ATE1: variants seen among roughly 807,000 people sequenced by gnomAD.
ATE1 encodes the protein arginyltransferase 1, also known as arginyl-tRNA--protein transferase 1.
Under a neutral mutation model 70.5 loss-of-function variants are expected in ATE1, and 36 were observed. The observed-to-expected ratio is 0.51, with a 90% CI of 0.39 to 0.67. The LOEUF is 0.67. Ranked by LOEUF, ATE1 falls within the 30% of genes least tolerant of loss-of-function variation. The probability of loss-of-function intolerance (pLI) is 0.00; values close to 1 mark genes in which losing one functional copy is unlikely to be tolerated. For missense variants in ATE1, 593 were observed against 629.5 expected, an observed-to-expected ratio of 0.94 and a Z score of 0.62; for synonymous variants, 232 against 219.3, an observed-to-expected ratio of 1.06 and a Z score of -0.51.
chr10:121,921,865 G>C (rs567030254), intron 3 of ATE1, among the ~76,000 whole-genome samples: 2 of 152,142 alleles, frequency 1.3e-5, no homozygotes, highest in South Asian at 4.1e-4. Flanking sequence ...ACTCAATAAA[G>C]TTTCTCCTGT....
chr10:121,793,325 T>C (rs910849608), intron 10 of ATE1, among the ~76,000 whole-genome samples: 10 of 152,198 alleles, frequency 6.6e-5, no homozygotes, highest in African/African-American at 2.4e-4. Context: ...TTTAAAATGG[T>C]GAAACACTTG....
rs138412609 is a variant in ATE1 at position 121,914,106 on chromosome 10, G to A, written c.234-213C>T. Among the ~76,000 whole-genome samples the A allele has an allele frequency of 7.9e-5, 12 of 151,842 alleles. No homozygotes were observed. The East Asian group carries it at 2.1e-3, about 27-fold the overall frequency. ...TTTTGAGATAGAGTCTCACTCTGTC[G>A]CCCAGACTGGAGTACACTGGCACCA... On this transcript the variant is annotated intron_variant, in intron 3 of 11. Transcript: ENST00000224652.
chr10:121,747,246 T>G (rs532700922), intron 11 of ATE1, among the ~76,000 whole-genome samples: 8 of 152,314 alleles, frequency 5.3e-5, no homozygotes, highest in African/African-American at 1.9e-4. Context: ...AAGATGGACA[T>G]AAACTGTCAA....
At chr10:121,776,398 G>T (rs1011899117) in intron 11 of ATE1, among the ~76,000 whole-genome samples, 1 of 151,950 alleles carries the variant, frequency 6.6e-6, no homozygotes, top group Non-Finnish European at 1.5e-5. Context: ...AGAGCAAGAG[G>T]GTCATCATGA....
intron 10 of ATE1, among the ~76,000 whole-genome samples, chr10:121,817,496 G>A (rs959255454): frequency 1.3e-5 from 2 of 150,344 alleles, no homozygotes; most frequent in Admixed American, 1.3e-4. Context: ...CCAAGATCAC[G>A]CCACTGCACT....
At chr10:121,822,432 TTC>T (rs745571436) in intron 10 of ATE1, among the ~76,000 whole-genome samples, 126 of 152,308 alleles carry the variant, frequency 8.3e-4, no homozygotes, top group Non-Finnish European at 1.4e-3. Flanking sequence ...GCTGGGCACC[TTC>T]TGTTTCTTGT....
chr10:121,883,351 G>A (rs539525607), intron 7 of ATE1, among the ~76,000 whole-genome samples: 7 of 151,918 alleles, frequency 4.6e-5, no homozygotes, highest in African/African-American at 9.7e-5. Flanking sequence ...CAAATGCCTC[G>A]ACAGTACTTA....
intron 5 of ATE1, among the ~76,000 whole-genome samples, chr10:121,907,451 C>A (rs1014211626): frequency 1.3e-5 from 2 of 149,502 alleles, no homozygotes; most frequent in African/African-American, 2.5e-5. Flanking sequence ...GGCAACAGAG[C>A]GAGACTGTGT....
At position 121,740,895 on chromosome 10, in the gene ATE1, C is replaced by T. The variant is rs1944128225; in HGVS notation, c.*2785G>A. ...GTACAACATATTTATCTGATATCATCTATCTTTTAGAATACAAAAAAGTGC... is the reference window on the plus strand; with the variant it reads ...GTACAACATATTTATCTGATATCATTTATCTTTTAGAATACAAAAAAGTGC... On this transcript the variant is annotated 3_prime_UTR_variant, in exon 12 of 12. Transcript: ENST00000224652. The T allele has an allele frequency of 6.6e-6, 1 of 152,074 alleles. No homozygotes were observed. The highest frequency in any genetic ancestry group is 2.4e-5 in the African/African-American group (1 of 41,402). 9.4% of individuals were successfully genotyped at this position (152,074 alleles called of 1,614,324 possible). A position where few individuals can be genotyped will look rare whatever the true frequency, so the allele number is the denominator to read the frequency against.
intron 11 of ATE1, among the ~76,000 whole-genome samples, chr10:121,769,081 C>T (rs1945394927): frequency 1.3e-5 from 2 of 152,164 alleles, no homozygotes; most frequent in Admixed American, 1.3e-4. Flanking sequence ...AAAAGAGCTA[C>T]AATAACGAAA....
At chr10:121,858,637 A>AAT (rs1340888422) in intron 8 of ATE1, among the ~76,000 whole-genome samples, 1 of 145,902 alleles carries the variant, frequency 6.9e-6, no homozygotes, top group African/African-American at 2.5e-5. Flanking sequence ...ATATATATAT[A>AAT]ATATATATAT....
Position 121,922,359 on chromosome 10 carries a change from A to G in ATE1, c.223T>C (p.Tyr75His). The G allele has an allele frequency of 6.3e-7, 1 of 1,593,020 alleles. No homozygotes were observed. The highest frequency in any genetic ancestry group is 8.6e-7 in the Non-Finnish European group (1 of 1,162,950). Residue 75 changes from tyrosine to histidine, a missense_variant, in exon 3 of 12, where the codon TAC (tyrosine) becomes CAC (histidine). By Grantham distance (83) the Tyr-to-His change is moderately conservative. Around this residue, in one of 3 missense-constraint regions of ATE1, gnomAD observed 467 missense variants for 469.6 expected, o/e 0.99. Coordinates refer to ENST00000224652, the MANE Select transcript of ATE1 (RefSeq NM_001001976.3). ...AATTAAAATTCTTACCTTATTGTGTACTGAGGACAACATGTTTGATTCATG... is the reference window on the plus strand; with the variant it reads ...AATTAAAATTCTTACCTTATTGTGTGCTGAGGACAACATGTTTGATTCATG... ...PVMNQTCCPQ[Y>H]TIRCRPLQFQ...
rs139277656 is a variant in ATE1, at chr10:121,790,646, T to C, written c.1258-357A>G. ...ATACTAGTTAATTAACAAAGAGAAG[T>C]TTCTTTTCATGTATTAGAGCACTGT... On this transcript the variant is annotated intron_variant, in intron 10 of 11. Transcript: ENST00000224652. Among the ~76,000 whole-genome samples the C allele has an allele frequency of 7.8e-3, 1,187 of 152,316 alleles. 7 individuals are homozygous for C. The highest frequency in any genetic ancestry group is 0.014 in the Non-Finnish European group (944 of 68,030).
chr10:121,875,779 T>C (rs1950032893), intron 7 of ATE1, among the ~76,000 whole-genome samples: 1 of 152,306 alleles, frequency 6.6e-6, no homozygotes, highest in Non-Finnish European at 1.5e-5. Context: ...CTTACCTTAG[T>C]GAATTGCAGG....
At chr10:121,899,343 T>C (rs1431623330) in intron 7 of ATE1, among the ~76,000 whole-genome samples, 2 of 152,220 alleles carry the variant, frequency 1.3e-5, no homozygotes, top group African/African-American at 4.8e-5. Flanking sequence ...TCTTGGGTCA[T>C]TTAACTTACA....
chr10:121,771,970 T>C (rs927219243), intron 11 of ATE1, among the ~76,000 whole-genome samples: 1 of 152,228 alleles, frequency 6.6e-6, no homozygotes, highest in African/African-American at 2.4e-5. Flanking sequence ...TGCTTTTAAA[T>C]TCAGAAAATC....
intron 2 of ATE1, 26 bp from the exon 3 acceptor site, chr10:121,922,437 A>T: frequency 6.9e-7 from 1 of 1,454,586 alleles, no homozygotes; most frequent in Non-Finnish European, 9.5e-7. Flanking sequence ...TAGTTTGTTA[A>T]TGTCTTATAT....
At position 121,779,972 on chromosome 10, in the gene ATE1, A is replaced by G. The variant is rs372014588; in HGVS notation, c.1378+10197T>C. On this transcript the variant is annotated intron_variant, in intron 11 of 11. Coordinates refer to ENST00000224652, the MANE Select transcript of ATE1 (RefSeq NM_001001976.3). ...CTTCCTCTTCCCTCTCTGGCCTCCA[A>G]TGGAATTCTTCATCTGCTCAGTCAT... Among the ~76,000 whole-genome samples, 133 of 152,216 alleles carry G rather than the reference A, an allele frequency of 8.7e-4. 1 individual carries two copies. Among genetic ancestry groups the G allele is most frequent in the African/African-American group, 2.9e-3 (119 of 41,508 alleles).
chr10:121,924,506 C>G (rs1297370371), intron 1 of ATE1, among the ~76,000 whole-genome samples, 177 bp from the exon 2 acceptor site: 1 of 152,048 alleles, frequency 6.6e-6, no homozygotes, highest in Non-Finnish European at 1.5e-5. Context: ...CAAGACCAGC[C>G]TGGCCAACAT....
Sources: gnomAD v4.1 joint callset for allele counts (sites outside exome capture counted in the v4.1 genomes callset) on GRCh38, gnomAD v4.1.1 for gene constraint, gnomAD v4.1.1 regional missense constraint, MANE v1.5 for transcripts, NCBI Gene and HGNC (gene_info 2026-07-23, HGNC 2026-07-21) for gene names.